TAB2: variants seen among roughly 807,000 people sequenced by gnomAD.
TAB2 encodes TGF-beta-activated kinase 1 and MAP3K7-binding protein 2.
Under a neutral mutation model 65.0 loss-of-function variants are expected in TAB2, and 3 were observed. The ratio of observed to expected loss-of-function variants is 0.05; its 90% CI spans 0.02 to 0.12. The LOEUF is 0.12. Ranked by LOEUF, TAB2 falls within the 10% of genes least tolerant of loss-of-function variation. The pLI, the probability that TAB2 is intolerant of heterozygous loss-of-function variation, is 1.00. For synonymous variants in TAB2, 298 were observed against 285.1 expected (o/e 1.05, Z -0.46); for missense variants, 623 against 840.3 (o/e 0.74, Z 3.20).
chr6:149,295,444 C>G (rs1439254565), intron 1 of TAB2, among the ~76,000 whole-genome samples: 1 of 152,176 alleles, frequency 6.6e-6, no homozygotes, highest in African/African-American at 2.4e-5. Context: ...AATTCTCAGC[C>G]ATTATCTCTT....
intron 1 of TAB2, among the ~76,000 whole-genome samples, chr6:149,300,304 G>C (rs550708702): frequency 6.6e-6 from 1 of 152,306 alleles, no homozygotes; most frequent in South Asian, 2.1e-4. Context: ...ATACAACAGA[G>C]TGGTTTTGAT....
In TAB2 at chr6:149,410,474, A is replaced by G. The variant is rs1247445236; in HGVS notation, c.*755A>G. The G allele has an allele frequency of 6.6e-6, 1 of 152,582 alleles. No homozygotes were observed. The highest frequency in any genetic ancestry group is 1.5e-5 in the Non-Finnish European group (1 of 68,034). The allele number at this position is 152,582 out of a possible 1,614,324, so 9.5% of individuals were successfully genotyped here. ...CTAATTTTCTTTTTTCCTTTTAGTA[A>G]TTAAGCACGATCATGTCCCTTTTTA... On this transcript the variant is annotated 3_prime_UTR_variant, in exon 7 of 7. Transcript: ENST00000637181.
chr6:149,396,650 A>C (rs1782181500), intron 3 of TAB2, among the ~76,000 whole-genome samples: 1 of 152,232 alleles, frequency 6.6e-6, no homozygotes, highest in African/African-American at 2.4e-5. Flanking sequence ...AGATCACAAA[A>C]ACATATACCA....
intron 3 of TAB2, among the ~76,000 whole-genome samples, chr6:149,382,697 G>A (rs1295704615): frequency 6.6e-6 from 1 of 152,098 alleles, no homozygotes; most frequent in Non-Finnish European, 1.5e-5. Flanking sequence ...AAACCCTCTG[G>A]AAAGATATTT....
chr6:149,268,895 G>A (rs183838389), intron 1 of TAB2, among the ~76,000 whole-genome samples: 5 of 152,204 alleles, frequency 3.3e-5, no homozygotes, highest in South Asian at 2.1e-4. Context: ...AGAATGAGTC[G>A]ATCTTTTTCA....
chr6:149,320,047 G>A (rs144570872), intron 1 of TAB2, among the ~76,000 whole-genome samples: 279 of 152,172 alleles, frequency 1.8e-3, no homozygotes, highest in Middle Eastern at 0.01. Context: ...GCTAAGACTG[G>A]GAAACAATTT....
intron 3 of TAB2, among the ~76,000 whole-genome samples, chr6:149,383,460 A>G (rs1394783137): frequency 2.0e-5 from 3 of 152,206 alleles, no homozygotes; most frequent in Non-Finnish European, 4.4e-5. Flanking sequence ...TTGTTTGACT[A>G]CATAGTTTTG....
chr6:149,238,829 T>C (rs1002464907), intron 1 of TAB2, among the ~76,000 whole-genome samples: 1 of 152,194 alleles, frequency 6.6e-6, no homozygotes, highest in African/African-American at 2.4e-5. Flanking sequence ...GGATGTCCCA[T>C]TCAAAGGAAG....
Position 149,303,588 on chromosome 6 carries a change from A to T in TAB2, c.-120-74430A>T, listed in dbSNP as rs1396982456. 2.0e-5 allele frequency among the ~76,000 whole-genome samples: 3 copies of T among 152,222 alleles called. No individual in the cohort carries two copies. The East Asian group carries it at 5.8e-4, about 29-fold the overall frequency. The stretch of plus-strand genomic sequence containing the variant: ...GTGGCTTTCTCTTGATAGAATAATT[A>T]TAGGTAATTTTTTACTTGCCTGTAT... On this transcript the variant is annotated intron_variant, in intron 1 of 1. Coordinates refer to the TAB2 transcript ENST00000606202.
intron 1 of TAB2, among the ~76,000 whole-genome samples, chr6:149,240,569 CATT>C (rs1777579070): frequency 6.6e-6 from 1 of 151,926 alleles, no homozygotes; most frequent in Non-Finnish European, 1.5e-5. Flanking sequence ...TCATCATCAT[CATT>C]ATAAAAGGAT....
rs1484860477 is a variant in TAB2 at position 149,410,993 on chromosome 6, T to G, written c.*1274T>G. ...TTTATAAAACAAGGCTAGCCATATT[T>G]AGGACAACTGAAGAAAAGCTGGAAA... On this transcript the variant is annotated 3_prime_UTR_variant, in exon 7 of 7. Transcript: ENST00000637181. 6.6e-6 allele frequency: 1 copy of G among 152,532 alleles called. No homozygotes were observed. The highest frequency in any genetic ancestry group is 2.4e-5 in the African/African-American group (1 of 41,406). The allele number at this position is 152,532 out of a possible 1,614,324, so 9.4% of individuals were successfully genotyped here.
intron 1 of TAB2, among the ~76,000 whole-genome samples, chr6:149,269,058 A>AT (rs1289359021): frequency 7.9e-5 from 12 of 152,336 alleles, no homozygotes; most frequent in African/African-American, 2.6e-4. Flanking sequence ...TGTGCAATAC[A>AT]TAAGTATACT....
chr6:149,232,478 C>T (rs763509354), intron 1 of TAB2, among the ~76,000 whole-genome samples: 5 of 152,142 alleles, frequency 3.3e-5, no homozygotes, highest in Admixed American at 6.5e-5. Context: ...CCGCCTGCCT[C>T]GGCCTCTCCA....
chr6:149,265,070 G>T (rs1288775887), intron 1 of TAB2, among the ~76,000 whole-genome samples: 1 of 149,724 alleles, frequency 6.7e-6, no homozygotes, highest in Non-Finnish European at 1.5e-5. Flanking sequence ...TTCTAAATCT[G>T]ATTTAGACAA....
chr6:149,397,938 C>T (rs374513953), intron 4 of TAB2, 31 bp from the exon 5 acceptor site: 1 of 1,597,854 alleles, frequency 6.3e-7, no homozygotes, highest in South Asian at 1.1e-5. Context: ...GAATTCAGTG[C>T]AAATCTTACT....
chr6:149,221,269 C>T (rs1777143314), intron 1 of TAB2: 1 of 152,150 alleles, frequency 6.6e-6, no homozygotes, highest in Non-Finnish European at 1.5e-5. Context: ...GTCAAGATTA[C>T]TACAATTAAT....
At chr6:149,392,154 G>A (rs1017895062) in intron 3 of TAB2, among the ~76,000 whole-genome samples, 5 of 123,926 alleles carry the variant, frequency 4.0e-5, no homozygotes, top group Admixed American at 8.4e-5. Context: ...GCGGGGGGGC[G>A]GGGGTGGACA....
chr6:149,253,140 C>T (rs1440848108), intron 1 of TAB2: 1 of 152,270 alleles, frequency 6.6e-6, no homozygotes, highest in Non-Finnish European at 1.5e-5. Flanking sequence ...TAAGTTAATC[C>T]TGGTAATCCT....
At chr6:149,259,051 A>G (rs1361081801) in intron 1 of TAB2, among the ~76,000 whole-genome samples, 2 of 152,206 alleles carry the variant, frequency 1.3e-5, no homozygotes, top group Non-Finnish European at 2.9e-5. Context: ...GCCTCCAGAA[A>G]GGAACACAAT....
Sources: gnomAD v4.1 joint callset for allele counts (sites outside exome capture counted in the v4.1 genomes callset) on GRCh38, gnomAD v4.1.1 for gene constraint, MANE v1.5 for transcripts, NCBI Gene and HGNC (gene_info 2026-07-23, HGNC 2026-07-21) for gene names.